Variants in LDLRAD3 observed in about 807,000 individuals in gnomAD.
LDLRAD3 encodes low-density lipoprotein receptor class A domain-containing protein 3.
In LDLRAD3, 20 loss-of-function variants were observed where a neutral mutation model predicts 29.4. The ratio of observed to expected loss-of-function variants is 0.68; its 90% CI spans 0.48 to 0.99. The LOEUF is 0.99. LDLRAD3 is among the 50% of genes least tolerant of loss of function. The pLI, the probability that LDLRAD3 is intolerant of heterozygous loss-of-function variation, is 0.00. For synonymous variants in LDLRAD3, 157 were observed against 192.7 expected, an observed-to-expected ratio of 0.81 and a Z score of 1.53; for missense variants, 420 against 454.3, an observed-to-expected ratio of 0.92 and a Z score of 0.69.
At chr11:36,091,640 A>G (rs1172574416) in intron 3 of LDLRAD3, among the ~76,000 whole-genome samples, 2 of 152,198 alleles carry the variant, frequency 1.3e-5, no homozygotes, top group Non-Finnish European at 2.9e-5. Context: ...AACTCTGCAG[A>G]CAATTTTTTC....
intron 4 of LDLRAD3, among the ~76,000 whole-genome samples, chr11:36,145,204 T>G (rs1328266924): frequency 4.0e-4 from 16 of 40,158 alleles, no homozygotes; most frequent in Admixed American, 5.7e-4. Context: ...GGGAGGGAGG[T>G]GGGGGGGTCA....
intron 4 of LDLRAD3, among the ~76,000 whole-genome samples, chr11:36,145,035 T>G (rs1854159570): frequency 1.0e-5 from 1 of 100,300 alleles, no homozygotes; most frequent in African/African-American, 3.9e-5. Context: ...GAGGGGCGCC[T>G]CTGCCCGGCC....
At chr11:36,190,071 G>A (rs1023799509) in intron 4 of LDLRAD3, among the ~76,000 whole-genome samples, 1 of 143,882 alleles carries the variant, frequency 7.0e-6, no homozygotes, top group Non-Finnish European at 1.5e-5. Flanking sequence ...TCTAGGGGGA[G>A]GGGGGAGGGG....
At chr11:35,968,315 T>A in intron 1 of LDLRAD3, 1 of 365,560 alleles carries the variant, frequency 2.7e-6, no homozygotes, top group South Asian at 2.5e-5. Flanking sequence ...GCTTAGAGCC[T>A]CTGGAAGGAG....
At chr11:35,966,314 C>T (rs188147061) in intron 1 of LDLRAD3, among the ~76,000 whole-genome samples, 2 of 152,216 alleles carry the variant, frequency 1.3e-5, no homozygotes, top group East Asian at 3.9e-4. Flanking sequence ...AGTCCCAGCT[C>T]CTCGGGAGAC....
chr11:35,951,399 A>T (rs1851133811), intron 1 of LDLRAD3, among the ~76,000 whole-genome samples: 1 of 152,150 alleles, frequency 6.6e-6, no homozygotes, highest in Admixed American at 6.5e-5. Context: ...ATTTTGAGCC[A>T]TGTGAATGCG....
At chr11:36,099,986 G>T (rs1163647878) in intron 4 of LDLRAD3, among the ~76,000 whole-genome samples, 1 of 151,994 alleles carries the variant, frequency 6.6e-6, no homozygotes, top group Non-Finnish European at 1.5e-5. Flanking sequence ...CTCAGTCCGG[G>T]AGCATCAGCA....
At chr11:35,959,801 C>T (rs1399540520) in intron 1 of LDLRAD3, among the ~76,000 whole-genome samples, 1 of 151,970 alleles carries the variant, frequency 6.6e-6, no homozygotes, top group South Asian at 2.1e-4. Context: ...TGGTAGGGTA[C>T]ACCTGTGGTC....
rs1454692843 is a variant in LDLRAD3 at position 36,164,641 on chromosome 11, C to CT, written c.455-62441dup. Among the ~76,000 whole-genome samples the CT allele has an allele frequency of 2.6e-5, 4 of 152,248 alleles. No individual in the cohort carries two copies. The East Asian group carries it at 7.7e-4, about 29-fold the overall frequency. The stretch of plus-strand genomic sequence containing the variant: ...GGCAGATCCCCTTCCAGTGAGTGAG[C>CT]TTTAGCAAATGGAGTGTCTATGACA... On this transcript the variant is annotated intron_variant, in intron 4 of 5. Transcript: ENST00000315571.
chr11:36,134,761 C>T (rs1853979637), intron 4 of LDLRAD3, among the ~76,000 whole-genome samples: 2 of 152,188 alleles, frequency 1.3e-5, no homozygotes, highest in Admixed American at 1.3e-4. Flanking sequence ...GTTTAACTTG[C>T]TTTTGAGAAC....
intron 4 of LDLRAD3, among the ~76,000 whole-genome samples, chr11:36,178,786 A>G (rs924874847): frequency 6.6e-6 from 1 of 152,208 alleles, no homozygotes; most frequent in Admixed American, 6.5e-5. Flanking sequence ...CTTCTGTGCC[A>G]GAGACCCTCC....
chr11:35,955,619 T>C (rs1851191511), intron 1 of LDLRAD3, among the ~76,000 whole-genome samples: 2 of 152,184 alleles, frequency 1.3e-5, no homozygotes, highest in South Asian at 4.1e-4. Flanking sequence ...TTAAAATAGA[T>C]AAACAGGGTT....
At chr11:36,178,623 T>G (rs1325251048) in intron 4 of LDLRAD3, among the ~76,000 whole-genome samples, 1 of 152,230 alleles carries the variant, frequency 6.6e-6, no homozygotes, top group African/African-American at 2.4e-5. Context: ...TGTTGATCAT[T>G]ACCCAAAAAG....
intron 2 of LDLRAD3, among the ~76,000 whole-genome samples, chr11:36,064,698 C>T (rs894405031): frequency 2.0e-5 from 3 of 152,108 alleles, no homozygotes; most frequent in Non-Finnish European, 4.4e-5. Flanking sequence ...ATAACTTTCA[C>T]TCTCAGCCTT....
intron 4 of LDLRAD3, among the ~76,000 whole-genome samples, chr11:36,205,891 T>C (rs1855200066): frequency 6.6e-6 from 1 of 152,216 alleles, no homozygotes; most frequent in Admixed American, 6.5e-5. Flanking sequence ...GAATCTTGTT[T>C]ATGCTCCTGC....
At chr11:36,021,193 T>C (rs1391294145) in intron 1 of LDLRAD3, among the ~76,000 whole-genome samples, 1 of 152,078 alleles carries the variant, frequency 6.6e-6, no homozygotes, top group Non-Finnish European at 1.5e-5. Flanking sequence ...AGGATGTCGT[T>C]GAAGGGAAGA....
At chr11:35,955,689 CA>C (rs1424883997) in intron 1 of LDLRAD3, among the ~76,000 whole-genome samples, 2 of 152,180 alleles carry the variant, frequency 1.3e-5, no homozygotes, top group African/African-American at 4.8e-5. Context: ...CATAAAAAGA[CA>C]TGAAGAATTA....
chr11:36,173,826 T>C (rs975360202), intron 4 of LDLRAD3, among the ~76,000 whole-genome samples: 1 of 152,154 alleles, frequency 6.6e-6, no homozygotes, highest in Non-Finnish European at 1.5e-5. Context: ...CCCATCAAGC[T>C]ACCAATGACT....
intron 4 of LDLRAD3, among the ~76,000 whole-genome samples, chr11:36,187,781 C>T (rs1467436103): frequency 1.3e-5 from 2 of 152,284 alleles, no homozygotes; most frequent in East Asian, 3.9e-4. Context: ...GACTACAGGA[C>T]ATTTCTTTTG....
Sources: allele counts gnomAD v4.1 joint callset (sites outside exome capture counted in the v4.1 genomes callset), GRCh38; gene constraint gnomAD v4.1.1; transcripts MANE v1.5; gene names NCBI Gene and HGNC (gene_info 2026-07-23, HGNC 2026-07-21).